The following LCOR variants were observed in gnomAD, a reference collection of about 807,000 sequenced individuals.
LCOR encodes the protein ligand dependent nuclear receptor corepressor, also known as ligand-dependent corepressor.
A neutral mutation model predicts 64.4 loss-of-function variants in LCOR; 14 were observed. The observed-to-expected ratio is 0.22, with a 90% CI of 0.14 to 0.34. The LOEUF (loss-of-function observed/expected upper bound fraction) is 0.34. Among genes scored for constraint, LCOR ranks in the 10% least tolerant of loss-of-function variants. The pLI, the probability that LCOR is intolerant of heterozygous loss-of-function variation, is 1.00. For synonymous variants in LCOR, 643 were observed against 642.5 expected, an observed-to-expected ratio of 1.00 and a Z score of -0.01; for missense variants, 1,686 against 1,765.3, an observed-to-expected ratio of 0.96 and a Z score of 0.80.
intron 4 of LCOR, among the ~76,000 whole-genome samples, chr10:96,913,798 C>T (rs1168738233): frequency 6.6e-6 from 1 of 152,034 alleles, no homozygotes; most frequent in Non-Finnish European, 1.5e-5. Context: ...GTGGCCCATG[C>T]CTGTAATTCC....
rs1848221661 is a variant in LCOR, at chr10:96,993,862, G to A, written c.*8728G>A. ...GTTCTTTCTGATGTGTTGCCCATAA[G>A]CAATAAGATCCTAGGTAATAACATT... is the stretch of plus-strand genomic sequence containing the variant. On this transcript the variant is annotated 3_prime_UTR_variant, in exon 8 of 8. Coordinates refer to ENST00000421806, the MANE Select transcript of LCOR (RefSeq NM_001346516.2). 6.6e-6 allele frequency: 1 copy of A among 151,868 alleles called. No individual in the cohort carries two copies. The allele number at this position is 151,868 out of a possible 1,614,324, so 9.4% of individuals were successfully genotyped here.
chr10:96,954,908 A>C (rs761006862), intron 7 of LCOR: 2 of 1,551,130 alleles, frequency 1.3e-6, no homozygotes, highest in East Asian at 4.5e-5. Context: ...ATCCCTCCCT[A>C]CCTGTGCAAG....
intron 4 of LCOR, among the ~76,000 whole-genome samples, chr10:96,930,838 G>C (rs562008559): frequency 1.2e-4 from 18 of 152,258 alleles, no homozygotes; most frequent in African/African-American, 3.9e-4. Flanking sequence ...CCATGTGAGA[G>C]CGCAGCAAGA....
intron 2 of LCOR, among the ~76,000 whole-genome samples, chr10:96,874,163 C>T (rs1846124591): frequency 6.6e-6 from 1 of 152,120 alleles, no homozygotes; most frequent in African/African-American, 2.4e-5. Flanking sequence ...TATTTTGTAG[C>T]TTTAGTAGAG....
intron 2 of LCOR, among the ~76,000 whole-genome samples, chr10:96,849,696 GT>G (rs2134376654): frequency 6.6e-6 from 1 of 152,186 alleles, no homozygotes; most frequent in South Asian, 2.1e-4. Flanking sequence ...CATCCTCCCG[GT>G]GCTTTTCAGC....
chr10:96,915,923 G>A (rs1457807329), intron 4 of LCOR: 1 of 393,948 alleles, frequency 2.5e-6, no homozygotes, highest in Non-Finnish European at 4.9e-6. Flanking sequence ...ACGGCGGCAG[G>A]ATGTAGGTGC....
chr10:96,941,007 C>A (rs1325585236), intron 4 of LCOR, among the ~76,000 whole-genome samples: 1 of 112,996 alleles, frequency 8.8e-6, no homozygotes, highest in Non-Finnish European at 1.8e-5. Flanking sequence ...ATGGGGCGGC[C>A]GGCCGGGCGG....
At position 96,910,159 on chromosome 10, in the gene LCOR, A is replaced by G. The variant is rs574019173; in HGVS notation, c.-184+2412A>G. On this transcript the variant is annotated intron_variant, in intron 4 of 7. Transcript: ENST00000421806. The stretch of plus-strand genomic sequence containing the variant: ...GTGATCCTGCTTCTTCAACCTTCCA[A>G]GTAGCTAGGACTACAGGTACATGCC... Among the ~76,000 whole-genome samples, 182 of 152,258 alleles carry G rather than the reference A, an allele frequency of 1.2e-3. 1 individual carries two copies. Among genetic ancestry groups the G allele is most frequent in the Admixed American group, 3.3e-3 (51 of 15,302 alleles).
chr10:96,902,702 C>T (rs1051691790), intron 2 of LCOR, among the ~76,000 whole-genome samples: 1 of 152,198 alleles, frequency 6.6e-6, no homozygotes, highest in Admixed American at 6.5e-5. Flanking sequence ...CATCAAGTCA[C>T]ACATCCTGAC....
chr10:96,837,198 G>A (rs544870174), intron 2 of LCOR, among the ~76,000 whole-genome samples: 5 of 152,244 alleles, frequency 3.3e-5, no homozygotes, highest in East Asian at 1.9e-4. Flanking sequence ...CACCGTGTTA[G>A]CCAGGATGGT....
At position 96,981,117 on chromosome 10, in the gene LCOR, G is replaced by A. The variant is rs114538392; in HGVS notation, c.657G>A (p.Thr219=). The part of the protein sequence containing the change: ...SSDSHSPLHL[T]EQTPKKPPPE... ...ACTCTCACAGCCCTCTACACTTGAC[G>A]GAACAGACCCCGAAGAAGCCTCCTC... Residue 219 remains threonine, a synonymous_variant, in exon 8 of 8, where the codon ACG becomes ACA. Transcript: ENST00000421806. The A allele has an allele frequency of 0.019, 13,213 of 703,586 alleles. 1,069 individuals carry two copies. The African/African-American group carries it at 0.19, about 10-fold the overall frequency. 43.6% of individuals were successfully genotyped at this position (703,586 alleles called of 1,614,324 possible). A position where few individuals can be genotyped will look rare whatever the true frequency, so the allele number is the denominator to read the frequency against.
intron 4 of LCOR, among the ~76,000 whole-genome samples, chr10:96,935,184 T>C (rs1446696981): frequency 7.4e-6 from 1 of 134,960 alleles, no homozygotes; most frequent in Non-Finnish European, 1.6e-5. Flanking sequence ...AGTGTCACTC[T>C]GTCACCCAGT....
chr10:96,890,771 C>G (rs971576490), intron 2 of LCOR, among the ~76,000 whole-genome samples: 1 of 152,146 alleles, frequency 6.6e-6, no homozygotes, highest in Non-Finnish European at 1.5e-5. Flanking sequence ...TGGACTTTGT[C>G]CAGTGCTTTT....
intron 4 of LCOR, among the ~76,000 whole-genome samples, chr10:96,929,591 C>CTGTT (rs1431029956): frequency 6.6e-6 from 1 of 152,202 alleles, no homozygotes; most frequent in Non-Finnish European, 1.5e-5. Context: ...AGCAATAAAG[C>CTGTT]TGTTTTACTT....
chr10:96,970,653 A>ATTTTATTTTATTTTATTTAT lies in LCOR; in HGVS notation c.333-10137_333-10136insTATTTTATTTTATTTATTTT, dbSNP rs1208672189. Among the ~76,000 whole-genome samples the ATTTTATTTTATTTTATTTAT allele has an allele frequency of 2.4e-3, 340 of 140,822 alleles. 1 individual carries two copies. Among genetic ancestry groups the ATTTTATTTTATTTTATTTAT allele is most frequent in the African/African-American group, 8.0e-3 (302 of 37,916 alleles). 92.4% of individuals were successfully genotyped at this position (140,822 alleles called of 152,430 possible). On this transcript the variant is annotated intron_variant, in intron 7 of 7. Coordinates refer to ENST00000421806, the MANE Select transcript of LCOR (RefSeq NM_001346516.2). ...ATTTTATTTTATTTTATTTTATTTT[A>ATTTTATTTTATTTTATTTAT]TTTATTTTATTTTATTTTATTTTAG... is the stretch of plus-strand genomic sequence containing the variant.
At chr10:96,973,000 G>C (rs779136822) in intron 7 of LCOR, among the ~76,000 whole-genome samples, 9 of 152,076 alleles carry the variant, frequency 5.9e-5, no homozygotes, top group Non-Finnish European at 1.2e-4. Flanking sequence ...CTTCTATAGG[G>C]GTGAAGAGAT....
intron 4 of LCOR, among the ~76,000 whole-genome samples, chr10:96,919,948 T>C (rs1847019009): frequency 6.6e-6 from 1 of 152,230 alleles, no homozygotes; most frequent in Non-Finnish European, 1.5e-5. Flanking sequence ...AATTCTGCTA[T>C]GAACATGGGT....
At chr10:96,836,409 C>T (rs1845442389) in intron 2 of LCOR, among the ~76,000 whole-genome samples, 2 of 152,084 alleles carry the variant, frequency 1.3e-5, no homozygotes, top group Non-Finnish European at 2.9e-5. Context: ...GAGTACCTGC[C>T]TGATCATTTA....
intron 2 of LCOR, among the ~76,000 whole-genome samples, chr10:96,890,920 T>C (rs1394141128): frequency 4.6e-5 from 7 of 152,226 alleles, no homozygotes; most frequent in African/African-American, 2.4e-5. Flanking sequence ...GATGGTCATA[T>C]GCTGCTAAAT....
Sources: gnomAD v4.1 joint callset for allele counts (sites outside exome capture counted in the v4.1 genomes callset) on GRCh38, gnomAD v4.1.1 for gene constraint, MANE v1.5 for transcripts, NCBI Gene and HGNC (gene_info 2026-07-23, HGNC 2026-07-21) for gene names.